Variants in RAB34 observed in about 807,000 individuals in gnomAD.
RAB34 encodes the protein ras-related protein Rab-34.
In RAB34, 33 loss-of-function variants were observed where a neutral mutation model predicts 39.0. The ratio of observed to expected loss-of-function variants is 0.85; its 90% CI spans 0.64 to 1.13. The LOEUF is 1.13. Among genes scored for constraint, RAB34 ranks in the 50% most tolerant of loss-of-function variants. RAB34 has a pLI of 0.00. For synonymous variants in RAB34, 135 were observed against 125.1 expected (o/e 1.08, Z -0.53); for missense variants, 289 against 326.1 (o/e 0.89, Z 0.88).
In RAB34 at chr17:28,717,383, C is replaced by T; in HGVS notation, c.-117G>A. On this transcript the variant is annotated 5_prime_UTR_variant, in exon 1 of 10. Transcript: ENST00000395245. ...CGGCCGGGGTGTCCCGACTACAACT[C>T]GGGGCCACGGGGACCCTACGGGAGT... 6.6e-7 allele frequency: 1 copy of T among 1,524,718 alleles called. No homozygotes were observed. Among genetic ancestry groups the T allele is most frequent in the Non-Finnish European group, 8.8e-7 (1 of 1,139,040 alleles). 94.4% of individuals were successfully genotyped at this position (1,524,718 alleles called of 1,614,324 possible). A position where few individuals can be genotyped will look rare whatever the true frequency, so the allele number is the denominator to read the frequency against.
rs899097242 is a variant in RAB34, at chr17:28,715,631, A to C, written c.379+10T>G. On this transcript the variant is annotated intron_variant, in intron 5 of 9. Coordinates refer to ENST00000395245, the MANE Select transcript of RAB34 (RefSeq NM_031934.6). Reference sequence around the variant, plus strand: ...GAGACCCACCTACCCCACTTCACCCAGCCCCTTACCTTGAGCTCCTCTATA... The same window carrying C: ...GAGACCCACCTACCCCACTTCACCCCGCCCCTTACCTTGAGCTCCTCTATA... The C allele has an allele frequency of 8.7e-6, 14 of 1,613,968 alleles. No homozygotes were observed. Among genetic ancestry groups the C allele is most frequent in the South Asian group, 2.2e-5 (2 of 91,086 alleles).
Position 28,715,231 on chromosome 17 carries a change from C to T in RAB34, c.477G>A (p.Val159=). The T allele has an allele frequency of 6.2e-7, 1 of 1,613,992 alleles. No individual in the cohort carries two copies. Among genetic ancestry groups the T allele is most frequent in the Non-Finnish European group, 8.5e-7 (1 of 1,180,022 alleles). The change falls in exon 7 of 10, where the codon GTG becomes GTA. Residue 159 remains valine, a synonymous_variant. Coordinates refer to ENST00000395245, the MANE Select transcript of RAB34 (RefSeq NM_031934.6). ...TCTTGGAACCTACAAGGAAGAGAAG[C>T]ACACTGGAAGGGTCATTCTCCTTCA... The part of the protein sequence containing the change: ...DALKENDPSS[V]LLFLVGSKKD...
chr17:28,717,624 C>A lies in RAB34; in HGVS notation c.-358G>T. ...ATTACGCGGGGCCGGATAGTTCCTA[C>A]GATTACGCGGGGCCGGATGGTTCCT... is the stretch of plus-strand genomic sequence containing the variant. On this transcript the variant is annotated 5_prime_UTR_variant, in exon 1 of 10. Coordinates refer to ENST00000395245, the MANE Select transcript of RAB34 (RefSeq NM_031934.6). The A allele has an allele frequency of 1.4e-6, 2 of 1,385,956 alleles. No homozygotes were observed. Among genetic ancestry groups the A allele is most frequent in the Non-Finnish European group, 1.9e-6 (2 of 1,075,084 alleles). 85.9% of individuals were successfully genotyped at this position (1,385,956 alleles called of 1,614,324 possible).
At chr17:28,714,738 C>CAGGGATTGG in intron 9 of RAB34, 28 bp from the exon 10 acceptor site, 2 of 1,614,104 alleles carry the variant, frequency 1.2e-6, no homozygotes, top group Middle Eastern at 1.6e-4. Flanking sequence ...ATATGTGAAG[C>CAGGGATTGG]AGGGATTGGA....
chr17:28,716,209 G>A, intron 2 of RAB34, 151 bp from the exon 3 acceptor site: 4 of 1,000,144 alleles, frequency 4.0e-6, no homozygotes, highest in Non-Finnish European at 4.4e-6. Context: ...GTGGACAGGT[G>A]TGCTGGGGAG....
chr17:28,714,973 G>A (rs1180476478), intron 8 of RAB34, 59 bp downstream of exon 8: 32 of 1,596,132 alleles, frequency 2.0e-5, no homozygotes, highest in Non-Finnish European at 2.7e-5. Context: ...TGGAGGTGTA[G>A]CAGTGAGAGG....
In RAB34 at chr17:28,715,456, T is replaced by G. The variant is rs372354441; in HGVS notation, c.431A>C (p.Lys144Thr). The change falls in exon 6 of 10, where the codon AAG (lysine) becomes ACG (threonine). Residue 144 changes from lysine to threonine, a missense_variant and splice_region_variant. Coordinates refer to ENST00000395245, the MANE Select transcript of RAB34 (RefSeq NM_031934.6). ...LNDVASLEHT[K>T]QWLADALKEN... The stretch of plus-strand genomic sequence containing the variant: ...ATTATATTGCAGGATGCTCACTTAC[T>G]TGGTATGTTCCAGAGATGCCACATC... 7 of 1,613,870 alleles carry G rather than the reference T, an allele frequency of 4.3e-6. No individual in the cohort carries two copies. The highest frequency in any genetic ancestry group is 2.7e-5 in the African/African-American group (2 of 74,902).
At chr17:28,717,886 T>C (rs2033809484), upstream of RAB34, 6 of 1,357,538 alleles carry the variant, frequency 4.4e-6, no homozygotes, top group Non-Finnish European at 4.7e-6. Context: ...TCCCCGGAAA[T>C]TCCTGGAGAA....
chr17:28,715,299 AG>A, intron 6 of RAB34, 23 bp from the exon 7 acceptor site: 1 of 1,608,964 alleles, frequency 6.2e-7, no homozygotes, highest in South Asian at 1.1e-5. Flanking sequence ...GTGGAAAGTA[AG>A]GGATGAGTGA....
chr17:28,718,263 C>T (rs2033879405), upstream of RAB34: 1 of 1,548,894 alleles, frequency 6.5e-7, no homozygotes, highest in Non-Finnish European at 8.7e-7. Context: ...TGGGAGGTGA[C>T]TCATAGAGTC....
Position 28,714,903 on chromosome 17 carries a change from G to A in RAB34, c.605-3C>T. 1 of 1,613,166 alleles carries A rather than the reference G, an allele frequency of 6.2e-7. No homozygotes were observed. Among genetic ancestry groups the A allele is most frequent in the Non-Finnish European group, 8.5e-7 (1 of 1,179,220 alleles). ...GAAGAATTCTCGGACATTCTCACCTGACACAGAGAGCAGATAGGTGCTCAG... is the reference window on the plus strand; with the variant it reads ...GAAGAATTCTCGGACATTCTCACCTAACACAGAGAGCAGATAGGTGCTCAG... On this transcript the variant is annotated splice_region_variant and splice_polypyrimidine_tract_variant and intron_variant, in intron 8 of 9. Transcript: ENST00000395245.
chr17:28,718,161 A>C, upstream of RAB34: 1 of 1,609,970 alleles, frequency 6.2e-7, no homozygotes, highest in Non-Finnish European at 8.5e-7. Flanking sequence ...ACTGCTGCGC[A>C]GCATCTGGCG....
chr17:28,716,099 T>A, intron 2 of RAB34, 41 bp from the exon 3 acceptor site: 1 of 1,612,630 alleles, frequency 6.2e-7, no homozygotes, highest in Non-Finnish European at 8.5e-7. Context: ...GGGCACGAGC[T>A]CTTTCACCCT....
chr17:28,717,584 C>T lies in RAB34; in HGVS notation c.-318G>A, dbSNP rs1359579403. ...AGTCCCGTCTGGTGGGGGCCGGGCCCGCGCAGACCCTACGATTACGCGGGG... is the reference window on the plus strand; with the variant it reads ...AGTCCCGTCTGGTGGGGGCCGGGCCTGCGCAGACCCTACGATTACGCGGGG... On this transcript the variant is annotated 5_prime_UTR_variant, in exon 1 of 10. Coordinates refer to ENST00000395245, the MANE Select transcript of RAB34 (RefSeq NM_031934.6). 7.1e-7 allele frequency: 1 copy of T among 1,416,034 alleles called. No homozygotes were observed. The highest frequency in any genetic ancestry group is 3.0e-5 in the Admixed American group (1 of 33,166). The allele number at this position is 1,416,034 out of a possible 1,614,324, so 87.7% of individuals were successfully genotyped here.
Position 28,715,213 on chromosome 17 carries a change from A to T in RAB34, c.495T>A (p.Gly165=). ...DPSSVLLFLV[G]SKKDLSTPAQ... ...CACTCACACTCAGATCCTTCTTGGA[A>T]CCTACAAGGAAGAGAAGCACACTGG... is the stretch of plus-strand genomic sequence containing the variant. The change falls in exon 7 of 10, where the codon GGT becomes GGA. Residue 165 remains glycine (G), a synonymous_variant. Coordinates refer to ENST00000395245, the MANE Select transcript of RAB34 (RefSeq NM_031934.6). The T allele has an allele frequency of 6.2e-7, 1 of 1,614,044 alleles. No individual in the cohort carries two copies.
At position 28,717,765 on chromosome 17, in the gene RAB34, G is replaced by T; in HGVS notation, c.-499C>A. 1 of 1,334,214 alleles carries T rather than the reference G, an allele frequency of 7.5e-7. No homozygotes were observed. The allele number at this position is 1,334,214 out of a possible 1,614,324, so 82.6% of individuals were successfully genotyped here. A position where few individuals can be genotyped will look rare whatever the true frequency, so the allele number is the denominator to read the frequency against. On this transcript the variant is annotated 5_prime_UTR_variant, in exon 1 of 10. Coordinates refer to ENST00000395245, the MANE Select transcript of RAB34 (RefSeq NM_031934.6). Reference sequence around the variant, plus strand: ...CGCCACACGGGGTCAGTGTGGGCAGGGGCGGCGCTGCCAAGGCCCGCAGGC... The same window carrying T: ...CGCCACACGGGGTCAGTGTGGGCAGTGGCGGCGCTGCCAAGGCCCGCAGGC...
At chr17:28,717,949 G>GCCACCCCCTCCTCT, upstream of RAB34, 1 of 770,280 alleles carries the variant, frequency 1.3e-6, no homozygotes, top group Non-Finnish European at 1.5e-6. Context: ...GCCCGCCCTC[G>GCCACCCCCTCCTCT]CCACCCCCTC....
chr17:28,716,331 T>G (rs1432329276), intron 2 of RAB34: 1 of 475,738 alleles, frequency 2.1e-6, no homozygotes, highest in African/African-American at 1.9e-5. Flanking sequence ...AGCCTCAGTT[T>G]AAACATTTAA....
At chr17:28,716,722 A>T in intron 2 of RAB34, 181 bp downstream of exon 2, 1 of 673,852 alleles carries the variant, frequency 1.5e-6, no homozygotes, top group Non-Finnish European at 2.3e-6. Context: ...ACCCCATCTC[A>T]TAGAACTCAC....
Sources: allele counts gnomAD v4.1 joint callset, GRCh38; gene constraint gnomAD v4.1.1; transcripts MANE v1.5; gene names NCBI Gene and HGNC (gene_info 2026-07-23, HGNC 2026-07-21).